The following PIKFYVE variants were observed in gnomAD, a reference collection of about 807,000 sequenced individuals.
PIKFYVE encodes 1-phosphatidylinositol 3-phosphate 5-kinase.
Under a neutral mutation model 257.9 loss-of-function variants are expected in PIKFYVE, and 122 were observed. The ratio of observed to expected loss-of-function variants is 0.47; its 90% CI spans 0.41 to 0.55. The LOEUF (loss-of-function observed/expected upper bound fraction) is 0.55. PIKFYVE is among the 20% of genes least tolerant of loss of function. The pLI, the probability that PIKFYVE is intolerant of heterozygous loss-of-function variation, is 0.00. For synonymous variants in PIKFYVE, 892 were observed against 868.9 expected, an observed-to-expected ratio of 1.03 and a Z score of -0.47; for missense variants, 2,160 against 2,536.6, an observed-to-expected ratio of 0.85 and a Z score of 3.19.
intron 34 of PIKFYVE, 78 bp from the exon 35 acceptor site, chr2:208,347,781 A>G (rs554769148): frequency 7.6e-7 from 1 of 1,311,004 alleles, no homozygotes; most frequent in East Asian, 2.5e-5. Context: ...ACAACTAACA[A>G]AGAAATGAGC....
chr2:208,320,225 C>CT, intron 16 of PIKFYVE, 27 bp from the exon 17 acceptor site: 1 of 1,606,546 alleles, frequency 6.2e-7, no homozygotes, highest in Non-Finnish European at 8.5e-7. Flanking sequence ...CCTTTAAACA[C>CT]TTTAACAAAC....
chr2:208,350,041 G>T lies in PIKFYVE; in HGVS notation c.5392G>T (p.Asp1798Tyr). 1 of 1,612,034 alleles carries T rather than the reference G, an allele frequency of 6.2e-7. No individual in the cohort carries two copies. The highest frequency in any genetic ancestry group is 8.5e-7 in the Non-Finnish European group (1 of 1,178,686). ...VEPQDEVDGGDTQKKQLINPH... is the reference protein window; with the variant it reads ...VEPQDEVDGGYTQKKQLINPH... The stretch of plus-strand genomic sequence containing the variant: ...CCTTTTAGATGAAGTAGATGGAGGA[G>T]ATACACAAAAGAAGCAACTCATAAA... The change falls in exon 36 of 42, where the codon GAT becomes TAT. Residue 1798 changes from aspartate to tyrosine, a missense_variant. Asp to Tyr is a radical substitution (Grantham distance 160, BLOSUM62 -3). Around this residue, in one of 12 missense-constraint regions of PIKFYVE, gnomAD observed 699 missense variants for 855.8 expected, o/e 0.82. Coordinates refer to ENST00000264380, the MANE Select transcript of PIKFYVE (RefSeq NM_015040.4).
chr2:208,310,135 TCAAGA>T lies in PIKFYVE; in HGVS notation c.1637-2100_1637-2096del, dbSNP rs1338728118. On this transcript the variant is annotated intron_variant, in intron 12 of 41. Transcript: ENST00000264380. ...CGTAATAGTTTGCTGAGTGTTATAGTCAAGATGAACACTGATTATCAGAAAATAAA... is the reference window on the plus strand; with the variant it reads ...CGTAATAGTTTGCTGAGTGTTATAGTTGAACACTGATTATCAGAAAATAAA... 6.8e-4 allele frequency among the ~76,000 whole-genome samples: 104 copies of T among 152,326 alleles called. 1 individual carries two copies. The highest frequency in any genetic ancestry group is 3.4e-3 in the Middle Eastern group (1 of 294).
intron 7 of PIKFYVE, among the ~76,000 whole-genome samples, chr2:208,294,214 C>T (rs899469308): frequency 6.6e-6 from 1 of 152,296 alleles, no homozygotes; most frequent in East Asian, 1.9e-4. Context: ...CCATCAAAGG[C>T]ACTCTTCTTT....
Position 208,288,779 on chromosome 2 carries a change from C to T in PIKFYVE, c.872C>T (p.Ser291Phe). ...SNTPLSTRLV[S>F]VQEDAGKSPA... ...ACTCCTCTTTCAACAAGACTTGTAT[C>T]TGTGCAAGAGGATGCTGGGAAATCT... Residue 291 changes from serine (S) to phenylalanine (F), a missense_variant, in exon 7 of 42, where the codon TCT (serine) becomes TTT (phenylalanine). Around this residue, in one of 12 missense-constraint regions of PIKFYVE, gnomAD observed 187 missense variants for 185.6 expected, o/e 1.01. Coordinates refer to ENST00000264380, the MANE Select transcript of PIKFYVE (RefSeq NM_015040.4). 6.2e-7 allele frequency: 1 copy of T among 1,614,082 alleles called. No homozygotes were observed. Among genetic ancestry groups the T allele is most frequent in the Non-Finnish European group, 8.5e-7 (1 of 1,179,994 alleles).
chr2:208,311,385 A>G (rs1234493658), intron 12 of PIKFYVE, among the ~76,000 whole-genome samples: 3 of 152,180 alleles, frequency 2.0e-5, no homozygotes, highest in Non-Finnish European at 2.9e-5. Context: ...GGATGAGCAT[A>G]TTGGCTTATA....
chr2:208,325,452 C>T lies in PIKFYVE; in HGVS notation c.2641C>T (p.Pro881Ser), dbSNP rs1338276014. 7.4e-6 allele frequency: 12 copies of T among 1,614,036 alleles called. No individual in the cohort carries two copies. The highest frequency in any genetic ancestry group is 1.0e-5 in the Non-Finnish European group (12 of 1,180,018). ...TCTCATGGATGAATTTGCTATGCCT[C>T]CCACATTAATGCAAAACCCTTCATT... ...SFLMDEFAMPPTLMQNPSFHS... is the reference protein window; with the variant it reads ...SFLMDEFAMPSTLMQNPSFHS... The change falls in exon 20 of 42, where the codon CCC (proline) becomes TCC (serine). Residue 881 changes from proline to serine, a missense_variant. Around this residue, in one of 12 missense-constraint regions of PIKFYVE, gnomAD observed 522 missense variants for 514.6 expected, o/e 1.01. Coordinates refer to ENST00000264380, the MANE Select transcript of PIKFYVE (RefSeq NM_015040.4).
chr2:208,291,573 A>G (rs987552473), intron 7 of PIKFYVE, among the ~76,000 whole-genome samples: 10 of 152,158 alleles, frequency 6.6e-5, no homozygotes, highest in Non-Finnish European at 1.0e-4. Context: ...AATGTTTGGT[A>G]GAATTCACCA....
rs1490370559 is a variant in PIKFYVE, at chr2:208,316,669, C to T, written c.2008-1198C>T. Among the ~76,000 whole-genome samples, 12 of 152,122 alleles carry T rather than the reference C, an allele frequency of 7.9e-5. No homozygotes were observed. In the East Asian group the frequency reaches 1.2e-3, roughly 15 times the overall value. On this transcript the variant is annotated intron_variant, in intron 15 of 41. Transcript: ENST00000264380. ...TATGGAACCAAAAAAGAGCCCGCATCGCCAAGTCAATCCTAAGCCAAAAGA... is the reference window on the plus strand; with the variant it reads ...TATGGAACCAAAAAAGAGCCCGCATTGCCAAGTCAATCCTAAGCCAAAAGA...
intron 13 of PIKFYVE, 50 bp downstream of exon 13, chr2:208,312,345 G>T (rs1695026270): frequency 1.8e-5 from 26 of 1,422,938 alleles, no homozygotes; most frequent in Non-Finnish European, 1.8e-5. Context: ...TTTTTCATGA[G>T]GATATACTTA....
In PIKFYVE at chr2:208,329,846, G is replaced by T; in HGVS notation, c.3724G>T (p.Val1242Leu). The T allele has an allele frequency of 1.9e-6, 3 of 1,610,674 alleles. No individual in the cohort carries two copies. Among genetic ancestry groups the T allele is most frequent in the Non-Finnish European group, 2.5e-6 (3 of 1,177,726 alleles). The change falls in exon 22 of 42, where the codon GTA becomes TTA. Residue 1242 changes from valine to leucine, a missense_variant. Val to Leu is a conservative substitution (Grantham distance 32). Transcript: ENST00000264380. Reference protein sequence around the residue: ...APSACVSPWIVTMEFYGKNDL... With the variant: ...APSACVSPWILTMEFYGKNDL... Reference sequence around the variant, plus strand: ...AAGAGGTGGTCTCTTCTTTAGGATTGTAACAATGGAATTTTATGGAAAGAA... The same window carrying T: ...AAGAGGTGGTCTCTTCTTTAGGATTTTAACAATGGAATTTTATGGAAAGAA...
chr2:208,317,256 C>G (rs984424736), intron 15 of PIKFYVE, among the ~76,000 whole-genome samples: 9 of 151,560 alleles, frequency 5.9e-5, no homozygotes, highest in East Asian at 1.9e-4. Flanking sequence ...CTAATATCCA[C>G]AATCTACAAT....
rs1020176067 is a variant in PIKFYVE, at chr2:208,356,205, G to C, written c.*900G>C. The C allele has an allele frequency of 6.6e-6, 1 of 152,176 alleles. No homozygotes were observed. Among genetic ancestry groups the C allele is most frequent in the African/African-American group, 2.4e-5 (1 of 41,434 alleles). The allele number at this position is 152,176 out of a possible 1,614,324, so 9.4% of individuals were successfully genotyped here. A position where few individuals can be genotyped will look rare whatever the true frequency, so the allele number is the denominator to read the frequency against. ...TAAATTAGGCCCAATCCAAGAAATT[G>C]AGTGAGAAGGAAACACTTGTTTTAT... On this transcript the variant is annotated 3_prime_UTR_variant, in exon 42 of 42. Coordinates refer to ENST00000264380, the MANE Select transcript of PIKFYVE (RefSeq NM_015040.4).
chr2:208,283,919 A>G (rs1475944661), intron 5 of PIKFYVE, among the ~76,000 whole-genome samples: 1 of 152,182 alleles, frequency 6.6e-6, no homozygotes, highest in Non-Finnish European at 1.5e-5. Context: ...GTACTGTGTA[A>G]TAGTAGTCTT....
intron 32 of PIKFYVE, among the ~76,000 whole-genome samples, 189 bp from the exon 33 acceptor site, chr2:208,344,922 T>C (rs898136651): frequency 6.6e-6 from 1 of 152,136 alleles, no homozygotes. Context: ...TTGTATTACC[T>C]TCTATGAAGA....
intron 6 of PIKFYVE, among the ~76,000 whole-genome samples, chr2:208,286,849 A>G (rs1691641468): frequency 6.6e-6 from 1 of 152,046 alleles, no homozygotes; most frequent in African/African-American, 2.4e-5. Context: ...TAGCTGAATT[A>G]TTTTGTTAAG....
chr2:208,347,554 T>G (rs1699341777), intron 34 of PIKFYVE, among the ~76,000 whole-genome samples: 1 of 152,200 alleles, frequency 6.6e-6, no homozygotes, highest in Non-Finnish European at 1.5e-5. Flanking sequence ...AAAGATATTT[T>G]TGAAAGGCTT....
chr2:208,315,212 A>C lies in PIKFYVE; in HGVS notation c.1846A>C (p.Met616Leu), dbSNP rs574339615. The change falls in exon 15 of 42, where the codon ATG (methionine) becomes CTG (leucine). Residue 616 changes from methionine to leucine, a missense_variant. By Grantham distance (15) the Met-to-Leu change is conservative. Transcript: ENST00000264380. ...TTGTAGTTCAGCTAATCATAACCAC[A>C]TGATGGCACTACTCCAGCAGTTGCT... is the stretch of plus-strand genomic sequence containing the variant. ...ERLLSANHNH[M>L]MALLQQLLHS... The C allele has an allele frequency of 1.9e-6, 3 of 1,613,990 alleles. No homozygotes were observed. The East Asian group carries it at 6.7e-5, about 36-fold the overall frequency.
At position 208,325,342 on chromosome 2, in the gene PIKFYVE, G is replaced by A; in HGVS notation, c.2531G>A (p.Gly844Asp). The A allele has an allele frequency of 6.2e-7, 1 of 1,614,078 alleles. No homozygotes were observed. The highest frequency in any genetic ancestry group is 8.5e-7 in the Non-Finnish European group (1 of 1,179,996). ...GGCTGTACAATCAAGCTAAGAGGAGGCTCTGATTATGAGCTGGCTCGAGTT... is the reference window on the plus strand; with the variant it reads ...GGCTGTACAATCAAGCTAAGAGGAGACTCTGATTATGAGCTGGCTCGAGTT... ...HLGCTIKLRGGSDYELARVKE... is the reference protein window; with the variant it reads ...HLGCTIKLRGDSDYELARVKE... The change falls in exon 20 of 42, where the codon GGC becomes GAC. Residue 844 changes from glycine (G) to aspartate (D), a missense_variant. Gly to Asp is a moderately conservative substitution (Grantham distance 94). Coordinates refer to ENST00000264380, the MANE Select transcript of PIKFYVE (RefSeq NM_015040.4).
Sources: allele counts gnomAD v4.1 joint callset (sites outside exome capture counted in the v4.1 genomes callset), GRCh38; gene constraint gnomAD v4.1.1; regional missense constraint gnomAD v4.1.1; transcripts MANE v1.5; gene names NCBI Gene and HGNC (gene_info 2026-07-23, HGNC 2026-07-21).